The following CCDC149 variants were observed in gnomAD, a reference collection of about 807,000 sequenced individuals.
The protein encoded by CCDC149 is coiled-coil domain containing 149.
In CCDC149, 45 loss-of-function variants were observed where a neutral mutation model predicts 59.9. The observed-to-expected ratio is 0.75, with a 90% CI of 0.59 to 0.96. The LOEUF is 0.96. CCDC149 is among the 40% of genes least tolerant of loss of function. The pLI is 0.00. For synonymous variants in CCDC149, 245 were observed against 260.6 expected (o/e 0.94, Z 0.58); for missense variants, 584 against 664.7 (o/e 0.88, Z 1.33).
intron 1 of CCDC149, among the ~76,000 whole-genome samples, chr4:24,955,195 G>A (rs1048978078): frequency 6.6e-6 from 1 of 152,166 alleles, no homozygotes; most frequent in African/African-American, 2.4e-5. Flanking sequence ...CTAGCATTTG[G>A]TGTCTGGTGA....
At chr4:24,860,829 G>A (rs539358377) in intron 3 of CCDC149, among the ~76,000 whole-genome samples, 5 of 151,872 alleles carry the variant, frequency 3.3e-5, no homozygotes, top group East Asian at 1.9e-4. Context: ...ATAAATGGCC[G>A]ACAAACATAT....
At chr4:24,889,485 T>C (rs1213284068) in intron 1 of CCDC149, among the ~76,000 whole-genome samples, 1 of 152,184 alleles carries the variant, frequency 6.6e-6, no homozygotes, top group Non-Finnish European at 1.5e-5. Flanking sequence ...AGAGATTGTG[T>C]ATATGTTCAG....
At chr4:24,810,731 A>T (rs1291374844) in intron 12 of CCDC149, among the ~76,000 whole-genome samples, 1 of 152,250 alleles carries the variant, frequency 6.6e-6, no homozygotes, top group Non-Finnish European at 1.5e-5. Context: ...TTGAGAGCAG[A>T]CATATTAAAC....
rs1717798100 is a variant in CCDC149 at position 24,853,482 on chromosome 4, T to C, written c.265-303A>G. Among the ~76,000 whole-genome samples, 3 of 150,428 alleles carry C rather than the reference T, an allele frequency of 2.0e-5. No homozygotes were observed. In the South Asian group the frequency reaches 6.3e-4, roughly 32 times the overall value. On this transcript the variant is annotated intron_variant, in intron 3 of 12. Coordinates refer to ENST00000635206, the MANE Select transcript of CCDC149 (RefSeq NM_001330643.2). Reference sequence around the variant, plus strand: ...ATTTGCCTTAAACAAAAAAAAATTGTGAGGCTGAGGCAGGAGAATTGCTTG... The same window carrying C: ...ATTTGCCTTAAACAAAAAAAAATTGCGAGGCTGAGGCAGGAGAATTGCTTG...
At chr4:24,854,364 C>T (rs994956901) in intron 3 of CCDC149, among the ~76,000 whole-genome samples, 5 of 152,134 alleles carry the variant, frequency 3.3e-5, no homozygotes, top group African/African-American at 1.2e-4. Flanking sequence ...CTTCCATGTG[C>T]GTTGTTCCAG....
chr4:24,924,242 A>G (rs1722376402), intron 1 of CCDC149, among the ~76,000 whole-genome samples: 1 of 151,732 alleles, frequency 6.6e-6, no homozygotes, highest in Non-Finnish European at 1.5e-5. Flanking sequence ...AAGTCTTTAT[A>G]GCTGAAAAAA....
intron 4 of CCDC149, among the ~76,000 whole-genome samples, chr4:24,845,092 G>A (rs1717200874): frequency 6.6e-6 from 1 of 152,316 alleles, no homozygotes; most frequent in African/African-American, 2.4e-5. Flanking sequence ...CTTCACAACC[G>A]TGGCAACAAT....
chr4:24,898,651 T>G (rs1357205465), intron 1 of CCDC149, among the ~76,000 whole-genome samples: 1 of 152,138 alleles, frequency 6.6e-6, no homozygotes, highest in East Asian at 1.9e-4. Flanking sequence ...TGCTAGACAT[T>G]GGTGACCACC....
intron 1 of CCDC149, among the ~76,000 whole-genome samples, chr4:24,934,288 G>T (rs376971073): frequency 5.9e-5 from 9 of 152,286 alleles, no homozygotes; most frequent in African/African-American, 1.2e-4. Context: ...CTCATGAAAT[G>T]TGATAGTTTT....
chr4:24,863,008 A>G (rs2109211909), intron 3 of CCDC149, among the ~76,000 whole-genome samples: 1 of 152,330 alleles, frequency 6.6e-6, no homozygotes, highest in Non-Finnish European at 1.5e-5. Context: ...AAAGTTTAAG[A>G]GAGGCTGGGG....
At chr4:24,885,081 G>A (rs945693626) in intron 1 of CCDC149, among the ~76,000 whole-genome samples, 7 of 152,166 alleles carry the variant, frequency 4.6e-5, no homozygotes, top group African/African-American at 1.7e-4. Flanking sequence ...GACGCCCTGG[G>A]CTGGCTGTGG....
At chr4:24,942,437 A>G (rs574159783) in intron 1 of CCDC149, among the ~76,000 whole-genome samples, 60 of 152,344 alleles carry the variant, frequency 3.9e-4, no homozygotes, top group African/African-American at 1.4e-3. Context: ...CACAGCCAAT[A>G]TCATACTGAA....
downstream of CCDC149, among the ~76,000 whole-genome samples, chr4:24,804,486 C>CAA (rs397796144): frequency 4.6e-3 from 256 of 56,170 alleles, no homozygotes; most frequent in Middle Eastern, 8.2e-3. Context: ...GTGAGACTCT[C>CAA]AAAAAAAAAA....
intron 1 of CCDC149, among the ~76,000 whole-genome samples, chr4:24,894,072 T>C (rs1483891450): frequency 6.6e-6 from 1 of 152,206 alleles, no homozygotes; most frequent in Non-Finnish European, 1.5e-5. Context: ...CAGCTCTGGC[T>C]TTCCTTGCAT....
rs763702658 is a variant in CCDC149 at position 24,808,637 on chromosome 4, T to A, written c.1375A>T (p.Arg459Trp). 2.6e-6 allele frequency: 4 copies of A among 1,552,366 alleles called. No homozygotes were observed. The highest frequency in any genetic ancestry group is 3.5e-6 in the Non-Finnish European group (4 of 1,147,140). The change falls in exon 13 of 13, where the codon AGG becomes TGG. Residue 459 changes from arginine to tryptophan, a missense_variant. Physicochemically the swap from Arg to Trp is moderately radical, Grantham distance 101 (BLOSUM62 -3). Transcript: ENST00000635206. ...TCCTTTGTCAGTTTAATTATTTCCC[T>A]CCCAAGGCTGTTTACTTCTTCCTCA...
chr4:24,850,328 G>A (rs918640492), intron 4 of CCDC149, among the ~76,000 whole-genome samples: 7 of 152,232 alleles, frequency 4.6e-5, no homozygotes, highest in Non-Finnish European at 1.0e-4. Flanking sequence ...TTCCCCTTGG[G>A]GCTGTCGGTG....
At position 24,819,867 on chromosome 4, in the gene CCDC149, G is replaced by A. The variant is rs561469297; in HGVS notation, c.1184C>T (p.Pro395Leu). The change falls in exon 12 of 13, where the codon CCC becomes CTC. Residue 395 changes from proline to leucine, a missense_variant. Transcript: ENST00000635206. ...AATCGAGGCGTGCTTACCATCCTTG[G>A]GATCTGCTTTGTTCTCAGTGGGCTG... 30 of 1,550,982 alleles carry A rather than the reference G, an allele frequency of 1.9e-5. No individual in the cohort carries two copies. Among genetic ancestry groups the A allele is most frequent in the Non-Finnish European group, 2.4e-5 (27 of 1,146,354 alleles).
chr4:24,962,030 A>G (rs1723647523), intron 1 of CCDC149, among the ~76,000 whole-genome samples: 2 of 151,436 alleles, frequency 1.3e-5, no homozygotes, highest in Admixed American at 1.3e-4. Context: ...GGCAACCTAC[A>G]GAATGGGAGA....
rs1364067018 is a variant in CCDC149 at position 24,827,380 on chromosome 4, T to A, written c.965+4126A>T. On this transcript the variant is annotated intron_variant, in intron 9 of 12. Coordinates refer to ENST00000635206, the MANE Select transcript of CCDC149 (RefSeq NM_001330643.2). ...GCTGCTGCTCCCCAAGATGCTGAATTTCCAAGCTCATTTACCATTGGCCAG... is the reference window on the plus strand; with the variant it reads ...GCTGCTGCTCCCCAAGATGCTGAATATCCAAGCTCATTTACCATTGGCCAG... 9 of 152,494 alleles carry A rather than the reference T, an allele frequency of 5.9e-5. No homozygotes were observed. The East Asian group carries it at 1.7e-3, about 29-fold the overall frequency. The allele number at this position is 152,494 out of a possible 1,614,324, so 9.4% of individuals were successfully genotyped here.
Sources: allele counts gnomAD v4.1 joint callset (sites outside exome capture counted in the v4.1 genomes callset), GRCh38; gene constraint gnomAD v4.1.1; transcripts MANE v1.5; gene names NCBI Gene and HGNC (gene_info 2026-07-23, HGNC 2026-07-21).